TNNI3K: variants seen among roughly 807,000 people sequenced by gnomAD.
The protein encoded by TNNI3K is TNNI3 interacting kinase, also known as serine/threonine-protein kinase TNNI3K.
A neutral mutation model predicts 114.5 loss-of-function variants in TNNI3K; 140 were observed. The ratio of observed to expected loss-of-function variants is 1.22; its 90% confidence interval spans 1.07 to 1.41. The LOEUF is 1.41. Ranked by LOEUF, TNNI3K falls within the 40% of genes most tolerant of loss-of-function variation. TNNI3K has a pLI of 0.00. For missense variants in TNNI3K, 1,125 were observed against 1,007.6 expected (o/e 1.12, Z -1.58); for synonymous variants, 347 against 347.5 (o/e 1.00, Z 0.02).
chr1:74,481,834 A>C (rs1269503315), intron 21 of TNNI3K, among the ~76,000 whole-genome samples: 1 of 152,208 alleles, frequency 6.6e-6, no homozygotes, highest in African/African-American at 2.4e-5. Flanking sequence ...TGTCATAAGG[A>C]TAGAGGAGTC....
intron 17 of TNNI3K, among the ~76,000 whole-genome samples, chr1:74,380,872 T>A (rs1663168153): frequency 6.6e-6 from 1 of 152,134 alleles, no homozygotes; most frequent in Non-Finnish European, 1.5e-5. Flanking sequence ...TTTGTGTTGT[T>A]GTGTTCTTAA....
intron 20 of TNNI3K, among the ~76,000 whole-genome samples, chr1:74,462,443 G>T (rs1433759423): frequency 6.6e-6 from 1 of 152,158 alleles, no homozygotes; most frequent in African/African-American, 2.4e-5. Flanking sequence ...AATAGACAGG[G>T]CATCATGTGT....
intron 4 of TNNI3K, among the ~76,000 whole-genome samples, chr1:74,251,938 A>G (rs1654954806): frequency 6.6e-6 from 1 of 152,198 alleles, no homozygotes; most frequent in South Asian, 2.1e-4. Flanking sequence ...CCTGTTAATT[A>G]TCCTGCTAAA....
intron 23 of TNNI3K, among the ~76,000 whole-genome samples, chr1:74,538,781 C>T (rs745422658): frequency 2.6e-5 from 4 of 152,036 alleles, no homozygotes; most frequent in Non-Finnish European, 4.4e-5. Flanking sequence ...TTGCAAGCAG[C>T]GTTAACAAAT....
intron 9 of TNNI3K, among the ~76,000 whole-genome samples, chr1:74,352,710 T>C (rs909475283): frequency 6.6e-6 from 1 of 152,144 alleles, no homozygotes; most frequent in Non-Finnish European, 1.5e-5. Context: ...TGTAGTTTGA[T>C]CTCAGACTGC....
intron 21 of TNNI3K, chr1:74,475,634 C>T (rs990140048): frequency 4.2e-6 from 3 of 717,004 alleles, no homozygotes; most frequent in Non-Finnish European, 7.8e-6. Context: ...ATCTCGTTTT[C>T]CTGAGTTAAG....
chr1:74,352,512 TA>T (rs963055619), intron 9 of TNNI3K, among the ~76,000 whole-genome samples: 7 of 152,202 alleles, frequency 4.6e-5, no homozygotes, highest in Non-Finnish European at 8.8e-5. Context: ...CAGGGACATT[TA>T]AGTCTACAGA....
chr1:74,236,039 G>C, intron 1 of TNNI3K, 63 bp from the exon 2 acceptor site: 1 of 1,274,852 alleles, frequency 7.8e-7, no homozygotes, highest in Non-Finnish European at 1.1e-6. Flanking sequence ...TGTATGTTAT[G>C]ATCTGTGTCT....
rs549636896 is a variant in TNNI3K at position 74,273,606 on chromosome 1, C to A, written c.444+1898C>A. Among the ~76,000 whole-genome samples, 3 of 152,016 alleles carry A rather than the reference C, an allele frequency of 2.0e-5. No homozygotes were observed. The East Asian group carries it at 5.8e-4, about 29-fold the overall frequency. ...GTGGTTAAGAGCTTAGTTTCTTCAT[C>A]TCCTATTCAAATAGCTCTGTTTTCT... On this transcript the variant is annotated intron_variant, in intron 5 of 24. Coordinates refer to ENST00000326637, the MANE Select transcript of TNNI3K (RefSeq NM_015978.3).
intron 23 of TNNI3K, among the ~76,000 whole-genome samples, chr1:74,515,537 G>C (rs550369470): frequency 1.5e-4 from 23 of 152,198 alleles, no homozygotes; most frequent in Non-Finnish European, 2.6e-4. Context: ...TTGGCAACCA[G>C]TTTTACAAGA....
At position 74,543,986 on chromosome 1, in the gene TNNI3K, C is replaced by T. The variant is rs1419918485; in HGVS notation, c.*4C>T. 1 of 1,612,498 alleles carries T rather than the reference C, an allele frequency of 6.2e-7. No homozygotes were observed. Among genetic ancestry groups the T allele is most frequent in the Non-Finnish European group, 8.5e-7 (1 of 1,179,392 alleles). ...CAGCTTTGAGGACAGCAGCTGACAG[C>T]ATTCGGCGTATACCTAAGGAGAGTT... On this transcript the variant is annotated 3_prime_UTR_variant, in exon 25 of 25. Transcript: ENST00000326637.
intron 23 of TNNI3K, among the ~76,000 whole-genome samples, chr1:74,501,668 T>C (rs1370304360): frequency 6.6e-6 from 1 of 152,122 alleles, no homozygotes; most frequent in Non-Finnish European, 1.5e-5. Flanking sequence ...TGTACTTTTT[T>C]AGTAGAGACG....
Position 74,249,370 on chromosome 1 carries a change from A to G in TNNI3K, c.150-89A>G, listed in dbSNP as rs530393502. 3.9e-6 allele frequency: 5 copies of G among 1,294,982 alleles called. No homozygotes were observed. The East Asian group carries it at 9.6e-5, about 25-fold the overall frequency. The allele number at this position is 1,294,982 out of a possible 1,614,324, so 80.2% of individuals were successfully genotyped here. ...AGAAAAAATACATTTCTGAATTGAT[A>G]GTAACAGGATTTGCATTTATAATTT... On this transcript the variant is annotated intron_variant, in intron 2 of 24. Transcript: ENST00000326637.
At chr1:74,237,338 G>A (rs970947800) in intron 2 of TNNI3K, among the ~76,000 whole-genome samples, 1 of 151,918 alleles carries the variant, frequency 6.6e-6, no homozygotes, top group Non-Finnish European at 1.5e-5. Context: ...TGACTGGCAT[G>A]TTAGTACAGT....
intron 21 of TNNI3K, chr1:74,470,835 T>A (rs143941686): frequency 2.5e-6 from 1 of 400,572 alleles, no homozygotes; most frequent in African/African-American, 2.1e-5. Flanking sequence ...CTAAAAGTTG[T>A]GTTTGATTCC....
At chr1:74,521,941 A>G (rs936668280) in intron 23 of TNNI3K, among the ~76,000 whole-genome samples, 1 of 152,154 alleles carries the variant, frequency 6.6e-6, no homozygotes, top group African/African-American at 2.4e-5. Flanking sequence ...CTGGGGCTGC[A>G]TCCAACTGTT....
intron 4 of TNNI3K, among the ~76,000 whole-genome samples, chr1:74,253,812 C>G (rs909830273): frequency 6.6e-6 from 1 of 152,194 alleles, no homozygotes; most frequent in African/African-American, 2.4e-5. Flanking sequence ...CAGCAGCGGG[C>G]TGAAGGGCTC....
chr1:74,498,734 G>A (rs560942586), intron 23 of TNNI3K, among the ~76,000 whole-genome samples: 30 of 151,632 alleles, frequency 2.0e-4, no homozygotes, highest in Middle Eastern at 3.4e-3. Context: ...TCTTCCCCCC[G>A]ACTATTAGCA....
chr1:74,349,195 T>A, intron 9 of TNNI3K, among the ~76,000 whole-genome samples: 1 of 152,274 alleles, frequency 6.6e-6, no homozygotes, highest in East Asian at 1.9e-4. Flanking sequence ...TATTGAAAGT[T>A]TTTAGCATGA....
Sources: gnomAD v4.1 joint callset for allele counts (sites outside exome capture counted in the v4.1 genomes callset) on GRCh38, gnomAD v4.1.1 for gene constraint, MANE v1.5 for transcripts, NCBI Gene and HGNC (gene_info 2026-07-23, HGNC 2026-07-21) for gene names.